CRACD: variants seen among roughly 807,000 people sequenced by gnomAD.
CRACD encodes capping protein-inhibiting regulator of actin dynamics.
In CRACD, 56 loss-of-function variants were observed where a neutral mutation model predicts 106.8. The ratio of observed to expected loss-of-function variants is 0.52; its 90% CI spans 0.42 to 0.66. The LOEUF (loss-of-function observed/expected upper bound fraction) is 0.66. CRACD is among the 30% of genes least tolerant of loss of function. The pLI is 0.00. For missense variants in CRACD, 1,730 were observed against 1,623.2 expected (o/e 1.07, Z -1.13); for synonymous variants, 754 against 670.8 (o/e 1.12, Z -1.92).
intron 4 of CRACD, among the ~76,000 whole-genome samples, chr4:56,307,166 A>C: frequency 6.6e-6 from 1 of 152,180 alleles, no homozygotes; most frequent in East Asian, 1.9e-4. Flanking sequence ...CACTTTTAAG[A>C]GACTTTTTAT....
chr4:56,096,041 A>G (rs571453962), intron 1 of CRACD, among the ~76,000 whole-genome samples: 34 of 152,182 alleles, frequency 2.2e-4, no homozygotes, highest in African/African-American at 7.9e-4. Flanking sequence ...TTGGTTTGGT[A>G]TATATTGAGG....
chr4:56,135,226 A>G (rs560597635), intron 1 of CRACD, among the ~76,000 whole-genome samples: 9 of 152,310 alleles, frequency 5.9e-5, no homozygotes, highest in Non-Finnish European at 1.2e-4. Context: ...TGGAGGTTGC[A>G]GTGAGCTGAG....
chr4:56,105,136 A>G (rs1035675153), intron 1 of CRACD, among the ~76,000 whole-genome samples: 1 of 152,218 alleles, frequency 6.6e-6, no homozygotes, highest in Non-Finnish European at 1.5e-5. Context: ...AGTAAAAATA[A>G]CAGATTCAAT....
chr4:56,218,125 C>T (rs1429112936), intron 2 of CRACD, among the ~76,000 whole-genome samples: 1 of 152,094 alleles, frequency 6.6e-6, no homozygotes, highest in Non-Finnish European at 1.5e-5. Context: ...CCCTACTGAC[C>T]CCATTTTAAC....
intron 2 of CRACD, among the ~76,000 whole-genome samples, chr4:56,230,325 C>T (rs140645): frequency 0.45 from 68,223 of 151,916 alleles, 15,923 homozygotes; most frequent in Non-Finnish European, 0.51. Flanking sequence ...TTTTTCTGCA[C>T]ATAATGAATC....
intron 2 of CRACD, among the ~76,000 whole-genome samples, chr4:56,210,004 T>G (rs905706308): frequency 2.6e-5 from 4 of 152,072 alleles, no homozygotes; most frequent in African/African-American, 9.7e-5. Context: ...TCAGAATATC[T>G]GGGGCCAAAG....
chr4:56,213,718 A>G (rs530842597), intron 2 of CRACD, among the ~76,000 whole-genome samples: 1 of 152,206 alleles, frequency 6.6e-6, no homozygotes, highest in Non-Finnish European at 1.5e-5. Flanking sequence ...CATTTGCCTT[A>G]TTTGAACACG....
intron 1 of CRACD, among the ~76,000 whole-genome samples, chr4:56,060,414 A>G (rs532735173): frequency 2.6e-5 from 4 of 152,288 alleles, no homozygotes; most frequent in Non-Finnish European, 5.9e-5. Context: ...AGGGAAGATC[A>G]GGAGGAAGCT....
chr4:56,298,422 G>A (rs901413759), intron 4 of CRACD, 73 bp downstream of exon 4: 39 of 1,577,630 alleles, frequency 2.5e-5, no homozygotes, highest in South Asian at 7.0e-5. Flanking sequence ...GAAAAGTCCC[G>A]AGCTTGGCCT....
At chr4:56,140,310 G>A (rs1221012607) in intron 1 of CRACD, among the ~76,000 whole-genome samples, 2 of 152,174 alleles carry the variant, frequency 1.3e-5, no homozygotes, top group Non-Finnish European at 2.9e-5. Flanking sequence ...GGCTGGAAAT[G>A]ATTCTGAATG....
intron 1 of CRACD, among the ~76,000 whole-genome samples, chr4:56,105,029 A>G (rs1247291501): frequency 1.3e-5 from 2 of 151,928 alleles, no homozygotes; most frequent in East Asian, 1.9e-4. Context: ...CTATTCTGCT[A>G]TAAAATTAAA....
At chr4:56,300,917 A>C (rs1230342177) in intron 4 of CRACD, among the ~76,000 whole-genome samples, 1 of 152,230 alleles carries the variant, frequency 6.6e-6, no homozygotes, top group Non-Finnish European at 1.5e-5. Flanking sequence ...TAAAATGACT[A>C]ACTTCCCCGA....
chr4:56,064,626 A>G (rs1732396715), intron 1 of CRACD, among the ~76,000 whole-genome samples: 1 of 151,492 alleles, frequency 6.6e-6, no homozygotes, highest in Non-Finnish European at 1.5e-5. Context: ...CTTTCTCTTC[A>G]CTGTTTCTTT....
chr4:56,197,267 TAA>T (rs766074920), intron 2 of CRACD, among the ~76,000 whole-genome samples: 3 of 148,214 alleles, frequency 2.0e-5, no homozygotes, highest in African/African-American at 7.4e-5. Context: ...TGGCAGAGAT[TAA>T]AAAAAAAAAT....
intron 1 of CRACD, among the ~76,000 whole-genome samples, chr4:56,130,558 C>T (rs1337499084): frequency 6.6e-6 from 1 of 152,056 alleles, no homozygotes; most frequent in Non-Finnish European, 1.5e-5. Flanking sequence ...TTTTATTTAT[C>T]CGTTTATCAT....
At chr4:56,144,634 A>G (rs1577691024) in intron 1 of CRACD, among the ~76,000 whole-genome samples, 1 of 149,380 alleles carries the variant, frequency 6.7e-6, no homozygotes, top group Admixed American at 6.7e-5. Context: ...AAAATTACCC[A>G]TTTTGTGTAT....
intron 2 of CRACD, among the ~76,000 whole-genome samples, chr4:56,262,194 A>G (rs1468876475): frequency 1.3e-5 from 2 of 152,210 alleles, no homozygotes; most frequent in Non-Finnish European, 2.9e-5. Context: ...AGCTTGTGCA[A>G]TATTGTGAGG....
At position 56,316,468 on chromosome 4, in the gene CRACD, T is replaced by G; in HGVS notation, c.2966T>G (p.Leu989Arg). ...AGCAGGCCCTACTTGGTAGAGCTGCTGTCTCGCCGAGCGGGGAGGCCGGAC... is the reference window on the plus strand; with the variant it reads ...AGCAGGCCCTACTTGGTAGAGCTGCGGTCTCGCCGAGCGGGGAGGCCGGAC... ...KLSRPYLVEL[L>R]SRRAGRPDPE... The change falls in exon 8 of 11, where the codon CTG (leucine) becomes CGG (arginine). Residue 989 changes from leucine to arginine, a missense_variant. Leu to Arg is a moderately radical substitution (Grantham distance 102). This residue lies in a region of CRACD where 1,620 missense variants were observed against 1,481.6 expected (regional missense o/e 1.09). Coordinates refer to ENST00000682029, the MANE Select transcript of CRACD (RefSeq NM_001393381.1). 1 of 1,613,968 alleles carries G rather than the reference T, an allele frequency of 6.2e-7. No homozygotes were observed. The highest frequency in any genetic ancestry group is 8.5e-7 in the Non-Finnish European group (1 of 1,179,868).
intron 2 of CRACD, among the ~76,000 whole-genome samples, 165 bp downstream of exon 2, chr4:56,179,595 A>C (rs1736725372): frequency 6.6e-6 from 1 of 152,106 alleles, no homozygotes; most frequent in African/African-American, 2.4e-5. Context: ...TGCATTCCCA[A>C]CTCTTCTACT....
Sources: gnomAD v4.1 joint callset for allele counts (sites outside exome capture counted in the v4.1 genomes callset) on GRCh38, gnomAD v4.1.1 for gene constraint, gnomAD v4.1.1 regional missense constraint, MANE v1.5 for transcripts, NCBI Gene and HGNC (gene_info 2026-07-23, HGNC 2026-07-21) for gene names.